Variants in PDE8B observed in about 807,000 individuals in gnomAD.
The protein encoded by PDE8B is phosphodiesterase 8B.
A neutral mutation model predicts 101.3 loss-of-function variants in PDE8B; 26 were observed. That is an observed-to-expected ratio of 0.26 (90% confidence interval 0.19 to 0.36). PDE8B has a LOEUF of 0.36. Ranked by LOEUF, PDE8B falls within the 10% of genes least tolerant of loss-of-function variation. The pLI is 1.00. For synonymous variants in PDE8B, 424 were observed against 429.3 expected, an observed-to-expected ratio of 0.99 and a Z score of 0.15; for missense variants, 810 against 1,163.1, an observed-to-expected ratio of 0.70 and a Z score of 4.42.
chr5:77,199,762 G>A, the PDE8B span, among the ~76,000 whole-genome samples: 5 of 152,100 alleles, frequency 3.3e-5, no homozygotes, highest in Admixed American at 2.0e-4. Context: ...ATATCTAAAG[G>A]GTAAAAACAC....
At chr5:77,414,929 G>A (rs1352972981) in intron 17 of PDE8B, among the ~76,000 whole-genome samples, 3 of 152,154 alleles carry the variant, frequency 2.0e-5, no homozygotes, top group African/African-American at 4.8e-5. Flanking sequence ...GGAATGCTTA[G>A]TAACTTGATC....
At chr5:77,219,999 A>G (rs9687206) in intron 1 of PDE8B, among the ~76,000 whole-genome samples, 83,615 of 152,026 alleles carry the variant, frequency 0.55, 24,416 homozygotes, top group East Asian at 0.84. Context: ...CACCTGCTCT[A>G]GGAAGTGTTG....
intron 1 of PDE8B, among the ~76,000 whole-genome samples, chr5:77,226,613 T>A (rs1464259000): frequency 6.6e-6 from 1 of 152,240 alleles, no homozygotes; most frequent in Non-Finnish European, 1.5e-5. Flanking sequence ...GACATAATGT[T>A]TTCCAGAAAG....
At chr5:77,129,184 G>A in the PDE8B span, among the ~76,000 whole-genome samples, 2 of 152,076 alleles carry the variant, frequency 1.3e-5, no homozygotes, top group Admixed American at 6.6e-5. Context: ...TCTTCAGTGT[G>A]GGGGAAAAGG....
intron 2 of PDE8B, among the ~76,000 whole-genome samples, chr5:77,320,849 A>T (rs188685488): frequency 3.2e-4 from 48 of 152,312 alleles, no homozygotes; most frequent in Non-Finnish European, 6.6e-4. Flanking sequence ...AATAAATCTT[A>T]AAAAATGGCC....
chr5:77,307,115 T>C (rs1459496025), intron 1 of PDE8B, among the ~76,000 whole-genome samples: 1 of 152,148 alleles, frequency 6.6e-6, no homozygotes, highest in Non-Finnish European at 1.5e-5. Context: ...CCTCTGAGGA[T>C]CTGACCCCAG....
At chr5:77,174,221 G>T in the PDE8B span, among the ~76,000 whole-genome samples, 1 of 152,066 alleles carries the variant, frequency 6.6e-6, no homozygotes, top group African/African-American at 2.4e-5. Context: ...TATCCTTCCT[G>T]GGTGTCAACA....
intron 8 of PDE8B, among the ~76,000 whole-genome samples, chr5:77,350,222 A>G (rs1470352416): frequency 1.3e-5 from 2 of 152,222 alleles, no homozygotes; most frequent in Admixed American, 6.5e-5. Flanking sequence ...AAGTAGTTAA[A>G]TAAGCCCTGT....
At chr5:77,256,726 T>C (rs1759257304) in intron 1 of PDE8B, among the ~76,000 whole-genome samples, 1 of 152,212 alleles carries the variant, frequency 6.6e-6, no homozygotes, top group African/African-American at 2.4e-5. Flanking sequence ...ATGATAATAA[T>C]GAGGTACTGC....
the PDE8B span, among the ~76,000 whole-genome samples, chr5:77,117,569 G>C: frequency 6.6e-6 from 1 of 152,098 alleles, no homozygotes; most frequent in Non-Finnish European, 1.5e-5. Context: ...GGAGGAATAC[G>C]GTTAGGAATC....
At chr5:77,110,926 T>A in the PDE8B span, among the ~76,000 whole-genome samples, 2 of 152,216 alleles carry the variant, frequency 1.3e-5, no homozygotes, top group African/African-American at 2.4e-5. Context: ...CAATTCACCA[T>A]ATCGAAAGAA....
chr5:77,238,835 T>G (rs968909301), intron 1 of PDE8B, among the ~76,000 whole-genome samples: 1 of 152,238 alleles, frequency 6.6e-6, no homozygotes, highest in Middle Eastern at 3.2e-3. Flanking sequence ...CAAGAGAAGA[T>G]GAATGTGCCA....
At chr5:77,376,129 A>G (rs1786088256) in intron 10 of PDE8B, among the ~76,000 whole-genome samples, 1 of 152,076 alleles carries the variant, frequency 6.6e-6, no homozygotes, top group African/African-American at 2.4e-5. Context: ...CCCAGGCCAA[A>G]TTAGGTGAAG....
At chr5:77,181,099 C>G in the PDE8B span, among the ~76,000 whole-genome samples, 1 of 149,914 alleles carries the variant, frequency 6.7e-6, no homozygotes, top group African/African-American at 2.5e-5. Flanking sequence ...ACCCCCACCA[C>G]CATCCCCACC....
chr5:77,407,248 GT>G, intron 12 of PDE8B, 132 bp from the exon 13 acceptor site: 1 of 748,876 alleles, frequency 1.3e-6, no homozygotes, highest in Non-Finnish European at 2.4e-6. Flanking sequence ...GAAGAGATGG[GT>G]GAATTCATGG....
intron 1 of PDE8B, among the ~76,000 whole-genome samples, chr5:77,269,679 A>G (rs1215107984): frequency 1.3e-5 from 2 of 152,182 alleles, no homozygotes; most frequent in East Asian, 3.8e-4. Context: ...TTCTAGTTCC[A>G]TTCTTCTGTA....
intron 7 of PDE8B, 31 bp from the exon 8 acceptor site, chr5:77,349,388 G>T (rs376851106): frequency 2.5e-6 from 4 of 1,613,570 alleles, no homozygotes; most frequent in Non-Finnish European, 3.4e-6. Context: ...TTGTGTCCCC[G>T]CACTGATCTG....
the PDE8B span, chr5:77,180,446 C>G: frequency 1.0e-6 from 1 of 985,402 alleles, no homozygotes; most frequent in Non-Finnish European, 1.2e-6. Context: ...CCGCCCGCCG[C>G]CGGCATGGAC....
At chr5:77,276,937 C>G (rs1021429893) in intron 1 of PDE8B, among the ~76,000 whole-genome samples, 1 of 152,056 alleles carries the variant, frequency 6.6e-6, no homozygotes. Context: ...GTAACTCTGA[C>G]TAGTTGCTCC....
Sources: allele counts gnomAD v4.1 joint callset (sites outside exome capture counted in the v4.1 genomes callset), GRCh38; gene constraint gnomAD v4.1.1; transcripts MANE v1.5; gene names NCBI Gene and HGNC (gene_info 2026-07-23, HGNC 2026-07-21).